The following CDC7 variants were observed in gnomAD, a reference collection of about 807,000 sequenced individuals.
The protein encoded by CDC7 is cell division cycle 7.
CDC7 carries 34 observed loss-of-function variants against 53.5 expected under a neutral mutation model. The ratio of observed to expected loss-of-function variants is 0.64; its 90% confidence interval spans 0.48 to 0.85. The LOEUF is 0.85. CDC7 is among the 40% of genes least tolerant of loss of function. The pLI is 0.00. For missense variants in CDC7, 594 were observed against 679.7 expected (o/e 0.87, Z 1.40); for synonymous variants, 211 against 222.8 (o/e 0.95, Z 0.47).
At position 91,515,793 on chromosome 1, in the gene CDC7, G is replaced by A; in HGVS notation, c.1098-1G>A. 6.2e-7 allele frequency: 1 copy of A among 1,613,442 alleles called. No homozygotes were observed. The highest frequency in any genetic ancestry group is 1.1e-5 in the South Asian group (1 of 91,018). ...CTAGAGAAATCTTATTTCATCATAA[G>A]GCGTCAGCAGGTTGCCCCTAGGGCA... On this transcript the variant is annotated splice_acceptor_variant, in intron 9 of 11. Transcript: ENST00000234626. LOFTEE classifies it high-confidence loss of function.
intron 2 of CDC7, among the ~76,000 whole-genome samples, chr1:91,506,197 G>T (rs1197717677): frequency 6.6e-6 from 1 of 151,928 alleles, no homozygotes; most frequent in Non-Finnish European, 1.5e-5. Flanking sequence ...TTGTTTTTTA[G>T]CTTTTTTAAG....
chr1:91,521,869 A>T (rs1667964637), intron 11 of CDC7, among the ~76,000 whole-genome samples: 1 of 137,246 alleles, frequency 7.3e-6, no homozygotes, highest in South Asian at 2.5e-4. Context: ...TACTTCTCAT[A>T]TTAAAAAAAA....
At chr1:91,505,385 C>T (rs748938790) in intron 2 of CDC7, among the ~76,000 whole-genome samples, 5 of 152,130 alleles carry the variant, frequency 3.3e-5, no homozygotes, top group Non-Finnish European at 7.4e-5. Context: ...TATCAGAATA[C>T]TCTGTTTAAA....
At chr1:91,513,795 CT>C (rs963013401) in intron 7 of CDC7, among the ~76,000 whole-genome samples, 152 bp from the exon 8 acceptor site, 1 of 152,072 alleles carries the variant, frequency 6.6e-6, no homozygotes, top group African/African-American at 2.4e-5. Flanking sequence ...CTATTTTCTC[CT>C]TTCACAGAAG....
chr1:91,514,834 A>G lies in CDC7; in HGVS notation c.934A>G (p.Lys312Glu), dbSNP rs768332701. The G allele has an allele frequency of 1.0e-5, 16 of 1,605,040 alleles. No homozygotes were observed. Among genetic ancestry groups the G allele is most frequent in the Middle Eastern group, 1.7e-4 (1 of 6,004 alleles). The change falls in exon 9 of 12, where the codon AAG becomes GAG. Residue 312 changes from lysine (K) to glutamate (E), a missense_variant. Transcript: ENST00000234626. ...SPAVKLMKQS[K>E]TVDVLSRKLA... ...TCTTTTACAGCTCATGAAGCAGTCA[A>G]AGACTGTGGATGTACTGTCTAGAAA...
chr1:91,506,601 TG>T (rs1178400085), intron 2 of CDC7, among the ~76,000 whole-genome samples: 1 of 152,168 alleles, frequency 6.6e-6, no homozygotes, highest in Non-Finnish European at 1.5e-5. Flanking sequence ...TCAAATTTAT[TG>T]GTTTTTTTTA....
chr1:91,504,105 C>CT (rs1216657728), intron 2 of CDC7, among the ~76,000 whole-genome samples: 1,564 of 134,968 alleles, frequency 0.012, 40 homozygotes, highest in Admixed American at 0.062. Context: ...TTTTGGCAAG[C>CT]TTTTTTTTTT....
chr1:91,502,389 A>G (rs776260994), intron 2 of CDC7, among the ~76,000 whole-genome samples: 4 of 152,232 alleles, frequency 2.6e-5, no homozygotes, highest in Non-Finnish European at 2.9e-5. Flanking sequence ...GACCTGGGAC[A>G]TAGTAGGTAT....
rs1259171445 is a variant in CDC7 at position 91,507,638 on chromosome 1, T to TCCCA, written c.116-216_116-215insCCCA. The stretch of plus-strand genomic sequence containing the variant: ...TAATTCCAGTATAGTAGAAATTTGG[T>TCCCA]GTATTTAATTCTGGGACTGTCATTT... On this transcript the variant is annotated intron_variant, in intron 2 of 11. Transcript: ENST00000234626. Among the ~76,000 whole-genome samples, 25 of 152,288 alleles carry TCCCA rather than the reference T, an allele frequency of 1.6e-4. No homozygotes were observed. In the East Asian group the frequency reaches 4.8e-3, roughly 29 times the overall value.
chr1:91,501,671 T>C lies in CDC7; in HGVS notation c.-46T>C, dbSNP rs1666688574. 1 of 1,357,510 alleles carries C rather than the reference T, an allele frequency of 7.4e-7. No homozygotes were observed. Among genetic ancestry groups the C allele is most frequent in the Non-Finnish European group, 1.1e-6 (1 of 950,444 alleles). The allele number at this position is 1,357,510 out of a possible 1,614,324, so 84.1% of individuals were successfully genotyped here. A position where few individuals can be genotyped will look rare whatever the true frequency, so the allele number is the denominator to read the frequency against. ...TTTCACAGCTGCTTTGCTCCCCCTG[T>C]GGATGTAACCCCTTAGCTGGCATTT... On this transcript the variant is annotated 5_prime_UTR_variant, in exon 2 of 12. Transcript: ENST00000234626.
chr1:91,517,811 A>G (rs1667647299), intron 10 of CDC7, among the ~76,000 whole-genome samples: 1 of 152,058 alleles, frequency 6.6e-6, no homozygotes, highest in Non-Finnish European at 1.5e-5. Context: ...AAGAAAGGCA[A>G]GTAGGGCCGG....
chr1:91,514,898 T>A lies in CDC7; in HGVS notation c.998T>A (p.Met333Lys). The A allele has an allele frequency of 6.2e-7, 1 of 1,613,584 alleles. No individual in the cohort carries two copies. Among genetic ancestry groups the A allele is most frequent in the Non-Finnish European group, 8.5e-7 (1 of 1,179,586 alleles). Residue 333 changes from methionine (M) to lysine (K), a missense_variant, in exon 9 of 12, where the codon ATG (methionine) becomes AAG (lysine). Transcript: ENST00000234626. ...TKKKAISTKV[M>K]NSAVMRKTAS... ...AAGAAGGCTATTTCTACAAAAGTTATGAATAGTGCTGTGATGAGGAAAACT... is the reference window on the plus strand; with the variant it reads ...AAGAAGGCTATTTCTACAAAAGTTAAGAATAGTGCTGTGATGAGGAAAACT...
chr1:91,501,857 C>T, intron 2 of CDC7, 26 bp downstream of exon 2: 4 of 1,509,594 alleles, frequency 2.6e-6, no homozygotes, highest in Admixed American at 1.7e-5. Context: ...CAAAGATGTA[C>T]AGTTATAAAG....
chr1:91,514,758 G>A, intron 8 of CDC7, 61 bp from the exon 9 acceptor site: 2 of 1,313,076 alleles, frequency 1.5e-6, no homozygotes, highest in Non-Finnish European at 2.1e-6. Context: ...TGCCATACTA[G>A]CATTTTAGGA....
intron 11 of CDC7, among the ~76,000 whole-genome samples, chr1:91,520,584 A>C (rs1293878799): frequency 6.6e-6 from 1 of 152,240 alleles, no homozygotes; most frequent in Non-Finnish European, 1.5e-5. Context: ...GACTTTTATT[A>C]CATAAATTTA....
intron 2 of CDC7, among the ~76,000 whole-genome samples, chr1:91,504,568 A>G (rs1666884086): frequency 1.3e-5 from 2 of 152,342 alleles, no homozygotes; most frequent in South Asian, 2.1e-4. Flanking sequence ...TCTGTTTGCT[A>G]CAATGACACC....
At chr1:91,508,124 TAA>T in intron 3 of CDC7, 136 bp from the exon 4 acceptor site, 14 of 754,998 alleles carry the variant, frequency 1.9e-5, no homozygotes, top group Non-Finnish European at 2.6e-5. Flanking sequence ...AAAGAATAAA[TAA>T]TAAATATTTA....
Position 91,514,808 on chromosome 1 carries a change from T to G in CDC7, c.919-11T>G. On this transcript the variant is annotated splice_polypyrimidine_tract_variant and intron_variant, in intron 8 of 11. Coordinates refer to ENST00000234626, the MANE Select transcript of CDC7 (RefSeq NM_003503.4). The stretch of plus-strand genomic sequence containing the variant: ...TCATGAAAATAGAAAAATGAGACTT[T>G]TCTTTTACAGCTCATGAAGCAGTCA... 6.5e-7 allele frequency: 1 copy of G among 1,550,246 alleles called. No homozygotes were observed. The highest frequency in any genetic ancestry group is 1.7e-4 in the Middle Eastern group (1 of 5,772).
At position 91,507,596 on chromosome 1, in the gene CDC7, ATG is replaced by A. The variant is rs1667059039; in HGVS notation, c.116-256_116-255del. The stretch of plus-strand genomic sequence containing the variant: ...TCATGTTGTAATCTCTACAGTAACA[ATG>A]TATCTCTTAGTATATAATTCCAGTA... On this transcript the variant is annotated intron_variant, in intron 2 of 11. Transcript: ENST00000234626. Among the ~76,000 whole-genome samples the A allele has an allele frequency of 2.1e-5, 3 of 142,226 alleles. No individual in the cohort carries two copies. In the South Asian group the frequency reaches 7.2e-4, roughly 34 times the overall value. 93.3% of individuals were successfully genotyped at this position (142,226 alleles called of 152,430 possible). A position where few individuals can be genotyped will look rare whatever the true frequency, so the allele number is the denominator to read the frequency against.
Sources: gnomAD v4.1 joint callset for allele counts (sites outside exome capture counted in the v4.1 genomes callset) on GRCh38, gnomAD v4.1.1 for gene constraint, MANE v1.5 for transcripts, NCBI Gene and HGNC (gene_info 2026-07-23, HGNC 2026-07-21) for gene names.